CTNND2: variants seen among roughly 807,000 people sequenced by gnomAD.
The protein encoded by CTNND2 is catenin delta-2.
A neutral mutation model predicts 144.4 loss-of-function variants in CTNND2; 22 were observed. That is an observed-to-expected ratio of 0.15 (90% CI 0.11 to 0.22). CTNND2 has a LOEUF of 0.22. Among genes scored for constraint, CTNND2 ranks in the 10% least tolerant of loss-of-function variants. CTNND2 has a pLI of 1.00. For synonymous variants in CTNND2, 751 were observed against 695.6 expected (o/e 1.08, Z -1.25); for missense variants, 1,353 against 1,618.8 (o/e 0.84, Z 2.82).
rs529245917 is a variant in CTNND2, at chr5:11,401,185, TACAGACACTATATAAC to T, written c.440-3998_440-3983del. On this transcript the variant is annotated intron_variant, in intron 5 of 21. Coordinates refer to ENST00000304623, the MANE Select transcript of CTNND2 (RefSeq NM_001332.4). ...CAGACCCACTTATAGGTCATATCAATACAGACACTATATAACACAGACACAATATGGCCAGCTTCTT... is the reference window on the plus strand; with the variant it reads ...CAGACCCACTTATAGGTCATATCAATACAGACACAATATGGCCAGCTTCTT... Among the ~76,000 whole-genome samples the T allele has an allele frequency of 2.5e-4, 38 of 152,318 alleles. No homozygotes were observed. In the East Asian group the frequency reaches 6.4e-3, roughly 26 times the overall value.
chr5:10,983,263 ATAAG>A (rs1353670349), intron 20 of CTNND2, among the ~76,000 whole-genome samples: 1 of 152,218 alleles, frequency 6.6e-6, no homozygotes, highest in Admixed American at 6.5e-5. Flanking sequence ...CATGGACCCC[ATAAG>A]TAAGTACAAC....
intron 9 of CTNND2, among the ~76,000 whole-genome samples, chr5:11,267,571 C>T (rs1371574651): frequency 6.6e-6 from 1 of 152,110 alleles, no homozygotes; most frequent in African/African-American, 2.4e-5. Context: ...TGTGTGGGGG[C>T]CTGTTAACAA....
chr5:11,494,307 C>G (rs139420147), intron 3 of CTNND2, among the ~76,000 whole-genome samples: 2 of 151,966 alleles, frequency 1.3e-5, no homozygotes, highest in African/African-American at 2.4e-5. Flanking sequence ...TCTCACATGG[C>G]CAAAGAGAAG....
intron 18 of CTNND2, among the ~76,000 whole-genome samples, chr5:10,994,257 G>A (rs1333874792): frequency 2.1e-5 from 2 of 97,066 alleles, no homozygotes; most frequent in African/African-American, 8.8e-5. Flanking sequence ...GGAGCGGGGT[G>A]GGGGGAGATG....
At chr5:11,200,051 G>A (rs1346037243) in intron 10 of CTNND2, among the ~76,000 whole-genome samples, 1 of 152,210 alleles carries the variant, frequency 6.6e-6, no homozygotes, top group Non-Finnish European at 1.5e-5. Context: ...TTAAAGGGCT[G>A]CAGGAATGAT....
intron 3 of CTNND2, among the ~76,000 whole-genome samples, chr5:11,529,857 C>A (rs1181197619): frequency 6.6e-6 from 1 of 152,066 alleles, no homozygotes; most frequent in African/African-American, 2.4e-5. Flanking sequence ...GAACAATACA[C>A]ACTTGGGTAT....
intron 2 of CTNND2, among the ~76,000 whole-genome samples, chr5:11,727,990 T>G (rs6898392): frequency 0.096 from 14,656 of 152,138 alleles, 1,486 homozygotes; most frequent in African/African-American, 0.26. Flanking sequence ...ATATATAGAG[T>G]TAAGTTACTT....
At chr5:11,341,462 G>C (rs1297233611) in intron 9 of CTNND2, among the ~76,000 whole-genome samples, 3 of 152,190 alleles carry the variant, frequency 2.0e-5, no homozygotes, top group Non-Finnish European at 4.4e-5. Flanking sequence ...AACTCCAGAA[G>C]TCTTTAAGTT....
At chr5:11,066,689 CAG>C (rs1256124624) in intron 16 of CTNND2, among the ~76,000 whole-genome samples, 1 of 152,160 alleles carries the variant, frequency 6.6e-6, no homozygotes, top group Non-Finnish European at 1.5e-5. Context: ...AAATATTCTG[CAG>C]AGTTTGACTC....
chr5:11,771,334 G>C (rs1789923470), intron 1 of CTNND2, among the ~76,000 whole-genome samples: 1 of 151,904 alleles, frequency 6.6e-6, no homozygotes, highest in Non-Finnish European at 1.5e-5. Context: ...ATGTTGGTCA[G>C]GCTGCCCTTG....
intron 3 of CTNND2, among the ~76,000 whole-genome samples, chr5:11,493,293 A>G (rs115716113): frequency 0.016 from 2,398 of 152,214 alleles, 61 homozygotes; most frequent in African/African-American, 0.055. Flanking sequence ...AGTTTGAAGT[A>G]TCAGGGATAA....
chr5:11,863,487 T>C (rs1156268988), intron 1 of CTNND2, among the ~76,000 whole-genome samples: 1 of 152,200 alleles, frequency 6.6e-6, no homozygotes, highest in Non-Finnish European at 1.5e-5. Flanking sequence ...TAAAAATTAT[T>C]AATAACTTCC....
chr5:11,244,999 G>C (rs1742847922), intron 9 of CTNND2, among the ~76,000 whole-genome samples: 1 of 152,138 alleles, frequency 6.6e-6, no homozygotes, highest in African/African-American at 2.4e-5. Flanking sequence ...TGACAAAACG[G>C]AAATGAAAAA....
At chr5:11,151,777 C>T (rs2149754113) in intron 12 of CTNND2, among the ~76,000 whole-genome samples, 1 of 152,172 alleles carries the variant, frequency 6.6e-6, no homozygotes, top group South Asian at 2.1e-4. Flanking sequence ...TTATATTAAT[C>T]ATTTATATTC....
At chr5:11,662,223 G>A (rs1421848489) in intron 2 of CTNND2, among the ~76,000 whole-genome samples, 1 of 134,160 alleles carries the variant, frequency 7.5e-6, no homozygotes, top group Non-Finnish European at 1.5e-5. Context: ...ATACATATAT[G>A]TGTATATATG....
intron 3 of CTNND2, among the ~76,000 whole-genome samples, chr5:11,530,412 T>C (rs1773644297): frequency 6.6e-6 from 1 of 152,160 alleles, no homozygotes; most frequent in Non-Finnish European, 1.5e-5. Flanking sequence ...TCATGGCCTG[T>C]GTGTGTGATT....
intron 2 of CTNND2, among the ~76,000 whole-genome samples, chr5:11,565,284 C>T (rs533701269): frequency 1.1e-4 from 17 of 152,286 alleles, no homozygotes; most frequent in African/African-American, 4.1e-4. Flanking sequence ...ATTTGTAAAA[C>T]AGACTTAAAT....
chr5:11,252,369 G>T (rs1743752551), intron 9 of CTNND2, among the ~76,000 whole-genome samples: 1 of 152,136 alleles, frequency 6.6e-6, no homozygotes, highest in Non-Finnish European at 1.5e-5. Context: ...CAGAAACTGG[G>T]GTGGGGGGGA....
chr5:11,836,445 A>G (rs1794185284), intron 1 of CTNND2, among the ~76,000 whole-genome samples: 2 of 152,092 alleles, frequency 1.3e-5, no homozygotes, highest in Non-Finnish European at 1.5e-5. Context: ...GTAACACATT[A>G]GCTCCACTTT....
Sources: gnomAD v4.1 joint callset for allele counts (sites outside exome capture counted in the v4.1 genomes callset) on GRCh38, gnomAD v4.1.1 for gene constraint, MANE v1.5 for transcripts, NCBI Gene and HGNC (gene_info 2026-07-23, HGNC 2026-07-21) for gene names.